VTI1A: variants seen among roughly 807,000 people sequenced by gnomAD.
VTI1A encodes the protein vesicle transport through interaction with t-SNAREs homolog 1A.
Under a neutral mutation model 34.9 loss-of-function variants are expected in VTI1A, and 22 were observed. The observed-to-expected ratio is 0.63, with a 90% CI of 0.45 to 0.90. The LOEUF is 0.90. Ranked by LOEUF, VTI1A falls within the 40% of genes least tolerant of loss-of-function variation. The pLI, the probability that VTI1A is intolerant of heterozygous loss-of-function variation, is 0.00. For synonymous variants in VTI1A, 87 were observed against 97.3 expected (o/e 0.89, Z 0.62); for missense variants, 268 against 275.6 (o/e 0.97, Z 0.20).
At chr10:112,842,119 G>A in the VTI1A span, among the ~76,000 whole-genome samples, 1 of 128,850 alleles carries the variant, frequency 7.8e-6, no homozygotes, top group Admixed American at 9.3e-5. Context: ...CTGGAGTGCA[G>A]TGGTGCAATC....
intron 5 of VTI1A, among the ~76,000 whole-genome samples, chr10:112,556,145 C>G (rs573708951): frequency 1.5e-4 from 14 of 92,894 alleles, no homozygotes; most frequent in Middle Eastern, 7.7e-3. Flanking sequence ...GTTTCGCATA[C>G]ACTTTTCATG....
chr10:112,830,849 A>ATATATATATATATATATATATTTT, the VTI1A span, among the ~76,000 whole-genome samples: 23 of 33,484 alleles, frequency 6.9e-4, no homozygotes, highest in African/African-American at 1.9e-3. Context: ...ATATATATAT[A>ATATATATATATATATATATATTTT]TTTTTTTTTT....
rs549722624 is a variant in VTI1A at position 112,776,205 on chromosome 10, C to A, written c.561-39085C>A. 3.9e-5 allele frequency among the ~76,000 whole-genome samples: 6 copies of A among 152,296 alleles called. No individual in the cohort carries two copies. In the East Asian group the frequency reaches 5.8e-4, roughly 15 times the overall value. ...TACAGCAGCCGAGGGTAATCGTGGG[C>A]AGATCAGTGTGTTCAACACGCGCTG... On this transcript the variant is annotated intron_variant, in intron 7 of 7. Transcript: ENST00000393077.
chr10:112,594,471 A>T (rs942066778), intron 5 of VTI1A, among the ~76,000 whole-genome samples: 1 of 152,064 alleles, frequency 6.6e-6, no homozygotes, highest in Non-Finnish European at 1.5e-5. Flanking sequence ...AAGTCTCAGG[A>T]TACAAAATCA....
chr10:112,774,535 T>C (rs1851901787), intron 7 of VTI1A, among the ~76,000 whole-genome samples: 1 of 152,020 alleles, frequency 6.6e-6, no homozygotes, highest in African/African-American at 2.4e-5. Context: ...GCTTAGGCAG[T>C]AAATTAATCT....
intron 7 of VTI1A, among the ~76,000 whole-genome samples, chr10:112,758,022 T>C (rs1007340446): frequency 6.6e-6 from 1 of 152,254 alleles, no homozygotes; most frequent in Non-Finnish European, 1.5e-5. Flanking sequence ...GCCCTGAGCA[T>C]CTTTGCATGT....
At chr10:112,796,929 C>A (rs1044631182) in intron 7 of VTI1A, among the ~76,000 whole-genome samples, 7 of 152,116 alleles carry the variant, frequency 4.6e-5, no homozygotes, top group Admixed American at 4.6e-4. Flanking sequence ...AAAATTATCT[C>A]ATGAACTGGT....
At chr10:112,616,105 G>A (rs1241473242) in intron 5 of VTI1A, among the ~76,000 whole-genome samples, 1 of 152,132 alleles carries the variant, frequency 6.6e-6, no homozygotes, top group Non-Finnish European at 1.5e-5. Context: ...TTAATGCATT[G>A]AAGGATTATT....
intron 3 of VTI1A, among the ~76,000 whole-genome samples, chr10:112,481,702 G>A (rs1027885971): frequency 6.6e-6 from 1 of 152,188 alleles, no homozygotes; most frequent in Non-Finnish European, 1.5e-5. Flanking sequence ...AAGAAGTAAG[G>A]ATGTGATGGA....
At chr10:112,631,569 A>G (rs1238362622) in intron 5 of VTI1A, among the ~76,000 whole-genome samples, 1 of 152,188 alleles carries the variant, frequency 6.6e-6, no homozygotes, top group Non-Finnish European at 1.5e-5. Context: ...TTTGAGGTCC[A>G]TTTACATTGC....
chr10:112,516,473 A>T (rs1849784487), intron 3 of VTI1A, among the ~76,000 whole-genome samples: 1 of 152,080 alleles, frequency 6.6e-6, no homozygotes, highest in African/African-American at 2.4e-5. Flanking sequence ...TTAGACAATT[A>T]TTCATTTATA....
intron 7 of VTI1A, among the ~76,000 whole-genome samples, chr10:112,720,597 A>G (rs1849767674): frequency 1.3e-5 from 2 of 151,992 alleles, no homozygotes; most frequent in Non-Finnish European, 2.9e-5. Context: ...AAACAAATAT[A>G]TCTTCCTAAA....
At chr10:112,749,928 T>G (rs959152042) in intron 7 of VTI1A, among the ~76,000 whole-genome samples, 2 of 152,234 alleles carry the variant, frequency 1.3e-5, no homozygotes, top group East Asian at 3.9e-4. Flanking sequence ...CACACATATA[T>G]GCAGTTTGAA....
At chr10:112,599,302 C>G (rs1844794306) in intron 5 of VTI1A, among the ~76,000 whole-genome samples, 1 of 152,216 alleles carries the variant, frequency 6.6e-6, no homozygotes, top group Non-Finnish European at 1.5e-5. Flanking sequence ...CAAGAAAACA[C>G]AGGCAGCCAG....
chr10:112,823,118 A>G (rs771605316), downstream of VTI1A, among the ~76,000 whole-genome samples: 20 of 152,152 alleles, frequency 1.3e-4, no homozygotes, highest in Admixed American at 5.2e-4. Flanking sequence ...CAAGTGGACA[A>G]TGCTGTATGT....
intron 5 of VTI1A, among the ~76,000 whole-genome samples, chr10:112,555,335 A>C (rs750816444): frequency 1.2e-4 from 19 of 152,146 alleles, no homozygotes; most frequent in Non-Finnish European, 2.2e-4. Flanking sequence ...CTGGTAAAAC[A>C]TAATTTTTAC....
chr10:112,758,114 T>C (rs1313350576), intron 7 of VTI1A, among the ~76,000 whole-genome samples: 1 of 152,230 alleles, frequency 6.6e-6, no homozygotes, highest in African/African-American at 2.4e-5. Flanking sequence ...AGGTAGGATG[T>C]GACTGTAGGA....
intron 5 of VTI1A, among the ~76,000 whole-genome samples, chr10:112,618,477 C>T (rs1258324866): frequency 3.6e-5 from 4 of 109,734 alleles, no homozygotes; most frequent in Non-Finnish European, 7.0e-5. Flanking sequence ...ATGAAATATA[C>T]AAATGATTAT....
At chr10:112,852,517 G>A in the VTI1A span, among the ~76,000 whole-genome samples, 63 of 152,336 alleles carry the variant, frequency 4.1e-4, no homozygotes, top group East Asian at 9.5e-3. Flanking sequence ...AGAGGAAGCC[G>A]CAAGTCTGGA....
Sources: allele counts gnomAD v4.1 joint callset (sites outside exome capture counted in the v4.1 genomes callset), GRCh38; gene constraint gnomAD v4.1.1; transcripts MANE v1.5; gene names NCBI Gene and HGNC (gene_info 2026-07-23, HGNC 2026-07-21).